The following USP14 variants were observed in gnomAD, a reference collection of about 807,000 sequenced individuals.
USP14 encodes ubiquitin carboxyl-terminal hydrolase 14.
USP14 carries 38 observed loss-of-function variants against 76.5 expected under a neutral mutation model. The observed-to-expected ratio is 0.50, with a 90% CI of 0.38 to 0.65. USP14 has a LOEUF of 0.65. USP14 is among the 30% of genes least tolerant of loss of function. USP14 has a pLI of 0.00. For missense variants in USP14, 467 were observed against 586.5 expected, an observed-to-expected ratio of 0.80 and a Z score of 2.10; for synonymous variants, 192 against 191.7, an observed-to-expected ratio of 1.00 and a Z score of -0.01.
chr18:199,555 A>C (rs1910331082), intron 10 of USP14, among the ~76,000 whole-genome samples: 1 of 152,090 alleles, frequency 6.6e-6, no homozygotes. Flanking sequence ...TTTAAAAAAA[A>C]ATTTCTGCTT....
At chr18:210,215 TACTTATTA>T in intron 14 of USP14, 163 bp from the exon 15 acceptor site, 1 of 687,076 alleles carries the variant, frequency 1.5e-6, no homozygotes, top group Non-Finnish European at 2.4e-6. Context: ...ATGAGTAAGT[TACTTATTA>T]AAACATCAAT....
intron 4 of USP14, among the ~76,000 whole-genome samples, chr18:179,419 G>T (rs1909719477): frequency 6.6e-6 from 1 of 151,912 alleles, no homozygotes; most frequent in Non-Finnish European, 1.5e-5. Flanking sequence ...TAGTTTAAAT[G>T]TTGGGATATT....
At chr18:210,633 A>G (rs902246449) in intron 15 of USP14, 140 bp downstream of exon 15, 2 of 517,604 alleles carry the variant, frequency 3.9e-6, no homozygotes, top group African/African-American at 3.9e-5. Flanking sequence ...TTGGTTTATG[A>G]GGTTTGCCTC....
chr18:200,462 G>A (rs921893836), intron 10 of USP14, among the ~76,000 whole-genome samples: 3 of 152,208 alleles, frequency 2.0e-5, no homozygotes, highest in African/African-American at 7.2e-5. Context: ...CTGTCTTGCA[G>A]TTGAGGCCCT....
In USP14 at chr18:188,067, G is replaced by A. The variant is rs182586062; in HGVS notation, c.405-4775G>A. Among the ~76,000 whole-genome samples, 812 of 152,224 alleles carry A rather than the reference G, an allele frequency of 5.3e-3. 8 individuals are homozygous for A. Among genetic ancestry groups the A allele is most frequent in the African/African-American group, 0.019 (771 of 41,544 alleles). ...TTAACACAATGTTAAATAGTAGATG[G>A]TTGTGGAATTCTCTCTTGTTTTTGA... On this transcript the variant is annotated intron_variant, in intron 5 of 15. Coordinates refer to ENST00000261601, the MANE Select transcript of USP14 (RefSeq NM_005151.4).
intron 13 of USP14, among the ~76,000 whole-genome samples, chr18:205,589 C>T (rs903075274): frequency 1.2e-4 from 18 of 152,114 alleles, no homozygotes; most frequent in African/African-American, 3.1e-4. Flanking sequence ...TCCTGGGCAA[C>T]GTAGTGAAAC....
At chr18:166,666 TA>T in intron 2 of USP14, 120 bp from the exon 3 acceptor site, 7 of 1,235,256 alleles carry the variant, frequency 5.7e-6, no homozygotes, top group Non-Finnish European at 7.7e-6. Context: ...TAATTTTAAA[TA>T]AAATCTGCAT....
At chr18:186,927 G>A (rs1909947373) in intron 5 of USP14, among the ~76,000 whole-genome samples, 1 of 152,078 alleles carries the variant, frequency 6.6e-6, no homozygotes, top group Non-Finnish European at 1.5e-5. Context: ...TGATGCATAG[G>A]ATTCTTTGGA....
intron 5 of USP14, among the ~76,000 whole-genome samples, chr18:185,915 T>A (rs1400873267): frequency 1.3e-5 from 2 of 150,368 alleles, no homozygotes; most frequent in Admixed American, 6.7e-5. Flanking sequence ...TTGCTCAGGC[T>A]GGTTTCAAAC....
Position 211,374 on chromosome 18 carries a change from G to A in USP14, c.*90G>A. On this transcript the variant is annotated 3_prime_UTR_variant, in exon 16 of 16. Coordinates refer to ENST00000261601, the MANE Select transcript of USP14 (RefSeq NM_005151.4). ...CCAGAGCTTTAGAGGAAGACACATA[G>A]GTGGGTTTATGTTTCACCTCATTTG... is the stretch of plus-strand genomic sequence containing the variant. 2 of 1,411,760 alleles carry A rather than the reference G, an allele frequency of 1.4e-6. No homozygotes were observed. Among genetic ancestry groups the A allele is most frequent in the Non-Finnish European group, 1.9e-6 (2 of 1,046,054 alleles). The allele number at this position is 1,411,760 out of a possible 1,614,324, so 87.5% of individuals were successfully genotyped here. A position where few individuals can be genotyped will look rare whatever the true frequency, so the allele number is the denominator to read the frequency against.
intron 3 of USP14, among the ~76,000 whole-genome samples, chr18:172,109 A>G (rs916896621): frequency 1.3e-5 from 2 of 152,114 alleles, no homozygotes; most frequent in Non-Finnish European, 2.9e-5. Context: ...ATGGTGGTGT[A>G]TACCTGTAGT....
At chr18:187,166 T>C (rs1388159166) in intron 5 of USP14, among the ~76,000 whole-genome samples, 2 of 152,194 alleles carry the variant, frequency 1.3e-5, no homozygotes, top group Admixed American at 1.3e-4. Flanking sequence ...GGTAAAAATC[T>C]AGGTTTCTCT....
intron 10 of USP14, 73 bp downstream of exon 10, chr18:199,389 C>T (rs998677742): frequency 3.4e-5 from 37 of 1,084,320 alleles, no homozygotes; most frequent in Non-Finnish European, 4.4e-5. Context: ...TCATTATTCA[C>T]TGGGCTTTAA....
intron 11 of USP14, 46 bp downstream of exon 11, chr18:202,991 T>G (rs1347574240): frequency 1.2e-6 from 2 of 1,608,436 alleles, no homozygotes; most frequent in Non-Finnish European, 1.7e-6. Context: ...TTCACTGAAA[T>G]ATTTCCAGTT....
intron 1 of USP14, among the ~76,000 whole-genome samples, chr18:160,416 G>A (rs903753257): frequency 6.6e-6 from 1 of 152,158 alleles, no homozygotes; most frequent in African/African-American, 2.4e-5. Flanking sequence ...CCAGCTACTC[G>A]GGAAGCTGAG....
At chr18:161,130 A>C (rs138481413) in intron 1 of USP14, among the ~76,000 whole-genome samples, 200 of 152,170 alleles carry the variant, frequency 1.3e-3, no homozygotes, top group African/African-American at 4.7e-3. Flanking sequence ...GTTTCACCGT[A>C]TTGGCCAGGC....
chr18:163,331 A>G lies in USP14; in HGVS notation c.40A>G (p.Lys14Glu), dbSNP rs1909176732. ...YSVTVKWGKE[K>E]FEGVELNTDE... ...AGTTACTGTAAAATGGGGAAAGGAG[A>G]AATTTGAAGGTGTAGAATTGAATAC... Residue 14 changes from lysine (K) to glutamate (E), a missense_variant, in exon 2 of 16, where the codon AAA becomes GAA. Coordinates refer to ENST00000261601, the MANE Select transcript of USP14 (RefSeq NM_005151.4). The G allele has an allele frequency of 6.2e-7, 1 of 1,609,180 alleles. No individual in the cohort carries two copies. The highest frequency in any genetic ancestry group is 8.5e-7 in the Non-Finnish European group (1 of 1,178,304).
At chr18:169,215 AC>A (rs1280977908) in intron 3 of USP14, among the ~76,000 whole-genome samples, 1 of 151,816 alleles carries the variant, frequency 6.6e-6, no homozygotes, top group Non-Finnish European at 1.5e-5. Context: ...ACATGGTGAA[AC>A]CCCGTCTCTA....
At chr18:211,031 G>A in intron 15 of USP14, 102 bp from the exon 16 acceptor site, 1 of 1,234,758 alleles carries the variant, frequency 8.1e-7, no homozygotes, top group Non-Finnish European at 1.1e-6. Flanking sequence ...TGTGGCCAGT[G>A]GAGCACTGCT....
Sources: gnomAD v4.1 joint callset for allele counts (sites outside exome capture counted in the v4.1 genomes callset) on GRCh38, gnomAD v4.1.1 for gene constraint, MANE v1.5 for transcripts, NCBI Gene and HGNC (gene_info 2026-07-23, HGNC 2026-07-21) for gene names.